BLTP3A: variants seen among roughly 807,000 people sequenced by gnomAD.
The protein encoded by BLTP3A is bridge-like lipid transfer protein family member 3A.
At chr6:34,853,539 A>G in the BLTP3A span, among the ~76,000 whole-genome samples, 1 of 151,308 alleles carries the variant, frequency 6.6e-6, no homozygotes, top group African/African-American at 2.4e-5. Flanking sequence ...ATTTTGCTCT[A>G]CCTCCTCCTC....
the BLTP3A span, among the ~76,000 whole-genome samples, chr6:34,814,016 T>TTTATTA: frequency 6.6e-6 from 1 of 151,362 alleles, no homozygotes; most frequent in Non-Finnish European, 1.5e-5. Context: ...TATTTTTATT[T>TTTATTA]TTATTACTTT....
At chr6:34,828,952 G>T in the BLTP3A span, among the ~76,000 whole-genome samples, 1 of 138,244 alleles carries the variant, frequency 7.2e-6, no homozygotes, top group Admixed American at 7.9e-5. Context: ...GCTTGAACCT[G>T]TGAGGCAGAG....
chr6:34,857,398 C>A, the BLTP3A span: 1 of 1,614,196 alleles, frequency 6.2e-7, no homozygotes, highest in Non-Finnish European at 8.5e-7. Flanking sequence ...ACTTCACAAC[C>A]TCCCTACCCA....
chr6:34,830,500 G>A, the BLTP3A span, among the ~76,000 whole-genome samples: 1 of 151,934 alleles, frequency 6.6e-6, no homozygotes, highest in Non-Finnish European at 1.5e-5. Flanking sequence ...TGAGGCAGGA[G>A]AATTGCTTGA....
chr6:34,799,222 G>A, the BLTP3A span, among the ~76,000 whole-genome samples: 9,255 of 152,228 alleles, frequency 0.061, 395 homozygotes, highest in Non-Finnish European at 0.092. Flanking sequence ...AATTACAGGC[G>A]TGAGCCACCA....
chr6:34,848,304 TC>T, the BLTP3A span, among the ~76,000 whole-genome samples: 1,234 of 150,094 alleles, frequency 8.2e-3, 17 homozygotes, highest in African/African-American at 0.026. Flanking sequence ...ATAATAATAA[TC>T]AATCAATCAA....
At chr6:34,792,293 C>G in the BLTP3A span, 48 of 1,542,528 alleles carry the variant, frequency 3.1e-5, 1 homozygote, top group East Asian at 1.2e-4. Context: ...ACACCTGTCC[C>G]GGTGAGAGCG....
At chr6:34,795,622 C>T in the BLTP3A span, among the ~76,000 whole-genome samples, 10 of 143,096 alleles carry the variant, frequency 7.0e-5, no homozygotes, top group African/African-American at 1.3e-4. Flanking sequence ...AGGATGGTCT[C>T]GATCTCCTGA....
chr6:34,816,343 A>G, the BLTP3A span, among the ~76,000 whole-genome samples: 2 of 151,844 alleles, frequency 1.3e-5, no homozygotes, highest in Non-Finnish European at 2.9e-5. Context: ...AGTGGCTCAC[A>G]TCTGTAATCC....
chr6:34,825,854 A>T, the BLTP3A span, among the ~76,000 whole-genome samples: 6 of 152,194 alleles, frequency 3.9e-5, no homozygotes, highest in South Asian at 1.2e-3. Context: ...TTTGACTATT[A>T]TGAATAATGC....
chr6:34,820,814 ATT>A, the BLTP3A span, among the ~76,000 whole-genome samples: 40 of 102,758 alleles, frequency 3.9e-4, no homozygotes, highest in Admixed American at 4.4e-4. Flanking sequence ...ACCATGCCTA[ATT>A]TTTTTTTTTT....
chr6:34,816,472 A>C, the BLTP3A span, among the ~76,000 whole-genome samples: 1 of 150,710 alleles, frequency 6.6e-6, no homozygotes, highest in Admixed American at 6.6e-5. Flanking sequence ...TTAGCTGGGT[A>C]TAGTGACATG....
At chr6:34,866,364 T>C in the BLTP3A span, among the ~76,000 whole-genome samples, 3 of 151,534 alleles carry the variant, frequency 2.0e-5, no homozygotes, top group African/African-American at 4.9e-5. Flanking sequence ...GATCACGCCA[T>C]TGCACTCCCC....
the BLTP3A span, among the ~76,000 whole-genome samples, chr6:34,808,346 C>CAAAAAAAAAAAAAAAAAAA: frequency 1.1e-4 from 3 of 26,720 alleles, no homozygotes; most frequent in African/African-American, 1.5e-4. Context: ...AACTCCGTCT[C>CAAAAAAAAAAAAAAAAAAA]AAAAAAAAAA....
the BLTP3A span, among the ~76,000 whole-genome samples, chr6:34,853,391 T>C: frequency 2.0e-5 from 3 of 151,834 alleles, no homozygotes; most frequent in Non-Finnish European, 4.4e-5. Flanking sequence ...GGGGAGTGTT[T>C]TTGCCCTGTT....
chr6:34,868,459 A>G, the BLTP3A span, among the ~76,000 whole-genome samples: 1 of 151,944 alleles, frequency 6.6e-6, no homozygotes, highest in Non-Finnish European at 1.5e-5. Flanking sequence ...GTGGTGGCTC[A>G]TGCCTGTAAT....
the BLTP3A span, among the ~76,000 whole-genome samples, chr6:34,842,741 A>C: frequency 1.3e-5 from 2 of 152,152 alleles, no homozygotes; most frequent in Admixed American, 1.3e-4. Context: ...ACTGACAGTG[A>C]GTTCATGGAA....
chr6:34,869,384 T>C, the BLTP3A span, among the ~76,000 whole-genome samples: 2 of 152,178 alleles, frequency 1.3e-5, no homozygotes, highest in Non-Finnish European at 2.9e-5. Flanking sequence ...CTTCTGTCCC[T>C]CACCTGTCAT....
At chr6:34,792,393 C>G in the BLTP3A span, 6 of 1,234,150 alleles carry the variant, frequency 4.9e-6, no homozygotes, top group South Asian at 3.4e-5. Context: ...CTGCCTCTCT[C>G]CAGCCCGGAG....
Sources: gnomAD v4.1 joint callset for allele counts (sites outside exome capture counted in the v4.1 genomes callset) on GRCh38, gnomAD v4.1.1 for gene constraint, MANE v1.5 for transcripts, NCBI Gene and HGNC (gene_info 2026-07-23, HGNC 2026-07-21) for gene names.